CNTNAP3: variants seen among roughly 807,000 people sequenced by gnomAD.
CNTNAP3 encodes contactin-associated protein-like 3.
In CNTNAP3, 36 loss-of-function variants were observed where a neutral mutation model predicts 92.1. That is an observed-to-expected ratio of 0.39 (90% CI 0.30 to 0.52). The LOEUF (loss-of-function observed/expected upper bound fraction) is 0.52. Among genes scored for constraint, CNTNAP3 ranks in the 20% least tolerant of loss-of-function variants. The pLI is 0.76. For missense variants in CNTNAP3, 534 were observed against 1,069.6 expected (o/e 0.50, Z 6.98); for synonymous variants, 232 against 422.3 (o/e 0.55, Z 5.53).
chr9:39,178,018 A>AT (rs1822367128), intron 5 of CNTNAP3, 139 bp downstream of exon 5: 1 of 460,576 alleles, frequency 2.2e-6, no homozygotes, highest in Non-Finnish European at 3.8e-6. Flanking sequence ...TCACTTGTGT[A>AT]TTTTTTATTT....
Position 39,066,419 on chromosome 9 carries a change from T to C in CNTNAP3, c.*7471A>G, listed in dbSNP as rs1260168125. ...GCAGGTATTGTATATTTACTTATGG[T>C]GTTACTATTGCCAGTGCTCTTCATT... On this transcript the variant is annotated 3_prime_UTR_variant, in exon 24 of 24. Transcript: ENST00000297668. 6.6e-6 allele frequency among the ~76,000 whole-genome samples: 1 copy of C among 152,202 alleles called. No homozygotes were observed. Among genetic ancestry groups the C allele is most frequent in the Admixed American group, 6.5e-5 (1 of 15,280 alleles).
At chr9:39,090,234 C>T (rs1272599912) in intron 18 of CNTNAP3, among the ~76,000 whole-genome samples, 1 of 152,208 alleles carries the variant, frequency 6.6e-6, no homozygotes, top group Non-Finnish European at 1.5e-5. Context: ...CCACCACGCA[C>T]AGCATCTTAT....
At chr9:39,096,954 TA>T (rs2118462939) in intron 18 of CNTNAP3, among the ~76,000 whole-genome samples, 1 of 151,714 alleles carries the variant, frequency 6.6e-6, no homozygotes, top group Non-Finnish European at 1.5e-5. Context: ...ATTTTTCAAA[TA>T]TTTTTTTCTG....
chr9:39,093,387 T>C (rs1386642949), intron 18 of CNTNAP3, among the ~76,000 whole-genome samples: 5 of 139,240 alleles, frequency 3.6e-5, no homozygotes. Context: ...TATATAAATA[T>C]ATAATTTGCC....
At chr9:39,114,575 T>C (rs963806328) in intron 14 of CNTNAP3, among the ~76,000 whole-genome samples, 1 of 152,212 alleles carries the variant, frequency 6.6e-6, no homozygotes, top group African/African-American at 2.4e-5. Context: ...TCTATTCTTT[T>C]AGTTTCAACT....
intron 20 of CNTNAP3, 23 bp downstream of exon 20, chr9:39,086,692 TG>T (rs1189629584): frequency 1.2e-6 from 2 of 1,605,360 alleles, no homozygotes; most frequent in Admixed American, 1.7e-5. Flanking sequence ...TTAGTTAGTT[TG>T]ACTTTTGCAT....
At chr9:39,082,014 G>T (rs922009616) in intron 21 of CNTNAP3, among the ~76,000 whole-genome samples, 9 of 151,152 alleles carry the variant, frequency 6.0e-5, no homozygotes, top group Admixed American at 2.6e-4. Flanking sequence ...GTGAACCCGG[G>T]AGGCAGAGCT....
intron 20 of CNTNAP3, 103 bp from the exon 21 acceptor site, chr9:39,085,926 T>G (rs562669127): frequency 9.2e-7 from 1 of 1,084,530 alleles, no homozygotes; most frequent in African/African-American, 1.6e-5. Flanking sequence ...TAAATCACTT[T>G]TAAGTACCAT....
chr9:39,159,669 T>TAGAC (rs1193351391), intron 9 of CNTNAP3: 4 of 142,758 alleles, frequency 2.8e-5, no homozygotes, highest in African/African-American at 5.7e-5. Context: ...GATAGATAGA[T>TAGAC]AGATATATGT....
chr9:39,145,515 G>T (rs950120843), intron 10 of CNTNAP3, among the ~76,000 whole-genome samples: 3 of 140,428 alleles, frequency 2.1e-5, no homozygotes, highest in Non-Finnish European at 3.2e-5. Flanking sequence ...GAGAACTGGG[G>T]TATGAAGTTG....
chr9:39,083,688 A>C (rs972621738), intron 21 of CNTNAP3, among the ~76,000 whole-genome samples: 3 of 152,242 alleles, frequency 2.0e-5, no homozygotes, highest in African/African-American at 7.2e-5. Context: ...GCACATGTAC[A>C]CACACAAAGC....
intron 9 of CNTNAP3, among the ~76,000 whole-genome samples, chr9:39,161,711 G>A (rs1031438624): frequency 7.5e-6 from 1 of 134,152 alleles, no homozygotes; most frequent in Non-Finnish European, 1.6e-5. Flanking sequence ...AGCTGGATGT[G>A]GTGGCACGTG....
At chr9:39,109,026 G>A (rs1826676073) in intron 15 of CNTNAP3, 134 bp downstream of exon 15, 6 of 1,383,548 alleles carry the variant, frequency 4.3e-6, no homozygotes, top group African/African-American at 2.9e-5. Flanking sequence ...TATGGTATGT[G>A]TGTTTTCCTG....
chr9:39,129,234 G>C (rs1587722415), intron 13 of CNTNAP3, among the ~76,000 whole-genome samples: 2 of 152,196 alleles, frequency 1.3e-5, no homozygotes, highest in South Asian at 4.1e-4. Flanking sequence ...ACTCAACCCT[G>C]CTATACAGCT....
intron 13 of CNTNAP3, among the ~76,000 whole-genome samples, chr9:39,122,056 G>A (rs149510780): frequency 6.6e-6 from 1 of 152,054 alleles, no homozygotes; most frequent in Non-Finnish European, 1.5e-5. Context: ...CTAATCCTAA[G>A]AGTACAGGAT....
At chr9:39,077,843 A>G (rs1825819320) in intron 23 of CNTNAP3, among the ~76,000 whole-genome samples, 1 of 151,556 alleles carries the variant, frequency 6.6e-6, no homozygotes, top group South Asian at 2.1e-4. Context: ...TTCAAAAAAA[A>G]TTGTTTCGGC....
intron 18 of CNTNAP3, among the ~76,000 whole-genome samples, chr9:39,089,885 C>T (rs1053304867): frequency 3.9e-5 from 6 of 152,010 alleles, no homozygotes; most frequent in African/African-American, 1.2e-4. Flanking sequence ...ATAAGCTTTA[C>T]CTATTATTTA....
intron 12 of CNTNAP3, among the ~76,000 whole-genome samples, chr9:39,138,480 G>C (rs73646300): frequency 0.012 from 1,868 of 151,336 alleles, 25 homozygotes; most frequent in African/African-American, 0.042. Flanking sequence ...AACAAAACAA[G>C]AAAACAAAAC....
Position 39,149,983 on chromosome 9 carries a change from T to C in CNTNAP3, c.1478-6A>G, listed in dbSNP as rs1327697831. 6.2e-7 allele frequency: 1 copy of C among 1,611,860 alleles called. No individual in the cohort carries two copies. Among genetic ancestry groups the C allele is most frequent in the Non-Finnish European group, 8.5e-7 (1 of 1,179,786 alleles). ...AGAGCTGTTGTCCAGGCAGCCTAAA[T>C]ATGAAGACAAAAATAGGACAAAAGC... is the stretch of plus-strand genomic sequence containing the variant. On this transcript the variant is annotated splice_region_variant and splice_polypyrimidine_tract_variant and intron_variant, in intron 9 of 23. Transcript: ENST00000297668.
Sources: gnomAD v4.1 joint callset for allele counts (sites outside exome capture counted in the v4.1 genomes callset) on GRCh38, gnomAD v4.1.1 for gene constraint, MANE v1.5 for transcripts, NCBI Gene and HGNC (gene_info 2026-07-23, HGNC 2026-07-21) for gene names.